The following TMPRSS13 variants were observed in gnomAD, a reference collection of about 807,000 sequenced individuals.
The protein encoded by TMPRSS13 is transmembrane protease serine 13.
Under a neutral mutation model 68.4 loss-of-function variants are expected in TMPRSS13, and 50 were observed. The observed-to-expected ratio is 0.73, with a 90% CI of 0.58 to 0.93. The LOEUF is 0.93. Ranked by LOEUF, TMPRSS13 falls within the 40% of genes least tolerant of loss-of-function variation. The pLI, the probability that TMPRSS13 is intolerant of heterozygous loss-of-function variation, is 0.00. For synonymous variants in TMPRSS13, 267 were observed against 285.8 expected, an observed-to-expected ratio of 0.93 and a Z score of 0.66; for missense variants, 615 against 729.2, an observed-to-expected ratio of 0.84 and a Z score of 1.80.
intron 5 of TMPRSS13, among the ~76,000 whole-genome samples, chr11:117,913,506 G>A (rs1040527883): frequency 1.3e-5 from 2 of 152,172 alleles, no homozygotes; most frequent in African/African-American, 2.4e-5. Context: ...ATGGATGTGA[G>A]CGTGCTTTGA....
At chr11:117,903,208 A>G (rs565334658) in intron 12 of TMPRSS13, 12 of 1,371,226 alleles carry the variant, frequency 8.8e-6, no homozygotes, top group African/African-American at 4.4e-5. Context: ...TTTTAAAAAA[A>G]GACAACAACA....
chr11:117,923,789 C>G (rs966479246), intron 1 of TMPRSS13, among the ~76,000 whole-genome samples: 35 of 141,994 alleles, frequency 2.5e-4, no homozygotes, highest in Non-Finnish European at 4.3e-4. Context: ...ACATATGTAA[C>G]AAACCTGCAC....
chr11:117,910,840 C>G, intron 6 of TMPRSS13, 90 bp from the exon 7 acceptor site: 1 of 1,237,480 alleles, frequency 8.1e-7, no homozygotes, highest in South Asian at 1.4e-5. Context: ...CAGTTCCTAT[C>G]CTGTTTCCAA....
At position 117,902,454 on chromosome 11, in the gene TMPRSS13, C is replaced by T. The variant is rs571755841; in HGVS notation, c.1678-189G>A. ...GCCTCTCTGCACTAGATTTCTGGAG[C>T]CTTTTCTGCTCCCCCTATCTGAGCC... On this transcript the variant is annotated intron_variant, in intron 12 of 12. Transcript: ENST00000524993. 3.3e-5 allele frequency among the ~76,000 whole-genome samples: 5 copies of T among 152,314 alleles called. No individual in the cohort carries two copies. The South Asian group carries it at 1.0e-3, about 32-fold the overall frequency.
rs1397287487 is a variant in TMPRSS13, at chr11:117,915,785, T to C, written c.557-1271A>G. Reference sequence around the variant, plus strand: ...TAGTTCTATTCTGTGAGCCCACCCGTGGGTGCCATCTCGCCCCTCCATGGG... The same window carrying C: ...TAGTTCTATTCTGTGAGCCCACCCGCGGGTGCCATCTCGCCCCTCCATGGG... On this transcript the variant is annotated intron_variant, in intron 3 of 12. Coordinates refer to ENST00000524993, the MANE Select transcript of TMPRSS13 (RefSeq NM_001077263.3). This position sits in a 1 kb window ranked among gnomAD's most constrained non-coding sequence, Gnocchi z 4.9. Among the ~76,000 whole-genome samples the C allele has an allele frequency of 6.6e-6, 1 of 152,190 alleles. No homozygotes were observed. Among genetic ancestry groups the C allele is most frequent in the African/African-American group, 2.4e-5 (1 of 41,452 alleles).
chr11:117,902,135 A>T lies in TMPRSS13; in HGVS notation c.*104T>A. 2.3e-6 allele frequency: 3 copies of T among 1,317,782 alleles called. No homozygotes were observed. Among genetic ancestry groups the T allele is most frequent in the Non-Finnish European group, 3.2e-6 (3 of 930,174 alleles). The allele number at this position is 1,317,782 out of a possible 1,614,324, so 81.6% of individuals were successfully genotyped here. On this transcript the variant is annotated 3_prime_UTR_variant, in exon 13 of 13. Transcript: ENST00000524993. ...AGCAGACAGTGGAGGTGGGAGTCCG[A>T]TGGTGCCCGGTGGCCATTAGCCCAG... is the stretch of plus-strand genomic sequence containing the variant.
intron 1 of TMPRSS13, among the ~76,000 whole-genome samples, chr11:117,921,972 A>C (rs930235797): frequency 2.6e-5 from 4 of 152,186 alleles, no homozygotes; most frequent in African/African-American, 9.7e-5. Context: ...CCTCCCAGAC[A>C]TCAAGAAGAG....
Position 117,902,016 on chromosome 11 carries a change from A to G in TMPRSS13, c.*223T>C. 1.7e-6 allele frequency: 1 copy of G among 599,266 alleles called. No homozygotes were observed. The highest frequency in any genetic ancestry group is 2.7e-5 in the Admixed American group (1 of 36,444). 37.1% of individuals were successfully genotyped at this position (599,266 alleles called of 1,614,324 possible). On this transcript the variant is annotated 3_prime_UTR_variant, in exon 13 of 13. Coordinates refer to ENST00000524993, the MANE Select transcript of TMPRSS13 (RefSeq NM_001077263.3). Reference sequence around the variant, plus strand: ...ATTTCCAGCCTGGGATTTTGAGAAGAGTTGACAGCTCTGCTGGTTTCTGAA... The same window carrying G: ...ATTTCCAGCCTGGGATTTTGAGAAGGGTTGACAGCTCTGCTGGTTTCTGAA...
In TMPRSS13 at chr11:117,922,471, G is replaced by A. The variant is rs951122910; in HGVS notation, c.22-3633C>T. Among the ~76,000 whole-genome samples, 6 of 152,104 alleles carry A rather than the reference G, an allele frequency of 3.9e-5. No homozygotes were observed. The highest frequency in any genetic ancestry group is 1.2e-4 in the African/African-American group (5 of 41,414). On this transcript the variant is annotated intron_variant, in intron 1 of 12. Coordinates refer to ENST00000524993, the MANE Select transcript of TMPRSS13 (RefSeq NM_001077263.3). The surrounding 1 kb of genome is among the most constrained non-coding windows in gnomAD (Gnocchi z 4.2). ...GATGGTCTCGATCTCTTGATCTTGC[G>A]CCCGCCTCAGCCTCCCAAAGTGCTG... is the stretch of plus-strand genomic sequence containing the variant.
At chr11:117,920,566 C>T (rs1009302199) in intron 1 of TMPRSS13, among the ~76,000 whole-genome samples, 9 of 152,078 alleles carry the variant, frequency 5.9e-5, no homozygotes, top group Admixed American at 5.9e-4. Context: ...GATCTTGGCT[C>T]ACTGCGACCT....
chr11:117,910,628 C>G, intron 7 of TMPRSS13, 79 bp downstream of exon 7: 1 of 1,428,622 alleles, frequency 7.0e-7, no homozygotes, highest in African/African-American at 1.4e-5. Context: ...TGCCAAACAC[C>G]TCCCTTGGAG....
At chr11:117,917,399 G>C (rs1459975596) in intron 2 of TMPRSS13, 125 bp from the exon 3 acceptor site, 1 of 666,216 alleles carries the variant, frequency 1.5e-6, no homozygotes, top group Non-Finnish European at 2.6e-6. Context: ...CCAGAAGTTG[G>C]AATGAGATTT....
intron 9 of TMPRSS13, among the ~76,000 whole-genome samples, chr11:117,906,390 A>T (rs2057465392): frequency 6.6e-6 from 1 of 152,178 alleles, no homozygotes. Flanking sequence ...TGGTGTCCCT[A>T]GGGGGACCAG....
Position 117,904,105 on chromosome 11 carries a change from C to A in TMPRSS13, c.1382-4G>T, listed in dbSNP as rs1453202934. On this transcript the variant is annotated splice_region_variant and splice_polypyrimidine_tract_variant and intron_variant, in intron 10 of 12. Coordinates refer to ENST00000524993, the MANE Select transcript of TMPRSS13 (RefSeq NM_001077263.3). Reference sequence around the variant, plus strand: ...CGGAGGAAGGGGGATGTCTTGTCTTCAGTGAAGTGGGGTGGAGGAGACAGA... The same window carrying A: ...CGGAGGAAGGGGGATGTCTTGTCTTAAGTGAAGTGGGGTGGAGGAGACAGA... 6.2e-7 allele frequency: 1 copy of A among 1,613,564 alleles called. No homozygotes were observed. The highest frequency in any genetic ancestry group is 8.5e-7 in the Non-Finnish European group (1 of 1,179,674).
chr11:117,916,238 T>G (rs957536980), intron 3 of TMPRSS13, among the ~76,000 whole-genome samples: 10 of 152,242 alleles, frequency 6.6e-5, no homozygotes, highest in Admixed American at 6.5e-5. Context: ...AGGTCCCTGA[T>G]AGTTCCTTCT....
chr11:117,918,734 G>T lies in TMPRSS13; in HGVS notation c.126C>A (p.Ala42=). The change falls in exon 2 of 13, where the codon GCC becomes GCA. Residue 42 remains alanine (A), a synonymous_variant. Coordinates refer to ENST00000524993, the MANE Select transcript of TMPRSS13 (RefSeq NM_001077263.3). ...GAGGTGTCCCAGCTGGAGATGCCTGGGCTGGAGATGCCTGGGCTGGAGATG... is the reference window on the plus strand; with the variant it reads ...GAGGTGTCCCAGCTGGAGATGCCTGTGCTGGAGATGCCTGGGCTGGAGATG... ...GRASPAQASP[A]QASPAGTPPG... The T allele has an allele frequency of 6.2e-7, 1 of 1,607,164 alleles. No homozygotes were observed.
chr11:117,910,523 G>T, intron 7 of TMPRSS13, 184 bp downstream of exon 7: 1 of 549,128 alleles, frequency 1.8e-6, no homozygotes. Flanking sequence ...TCAGGAGAAG[G>T]GGAAATGTTA....
At chr11:117,919,115 G>A (rs546694048) in intron 1 of TMPRSS13, among the ~76,000 whole-genome samples, 1 of 152,286 alleles carries the variant, frequency 6.6e-6, no homozygotes, top group East Asian at 1.9e-4. Context: ...GGGGTTGGGG[G>A]TCACCTGCTT....
chr11:117,902,950 A>T, intron 12 of TMPRSS13: 1 of 1,010,476 alleles, frequency 9.9e-7, no homozygotes, highest in Non-Finnish European at 1.2e-6. Flanking sequence ...AGGGCAAGGT[A>T]AGGCACACAC....
Sources: gnomAD v4.1 joint callset for allele counts (sites outside exome capture counted in the v4.1 genomes callset) on GRCh38, gnomAD v4.1.1 for gene constraint, Gnocchi (gnomAD v3.1) non-coding constraint, MANE v1.5 for transcripts, NCBI Gene and HGNC (gene_info 2026-07-23, HGNC 2026-07-21) for gene names.